The following ESRRB variants were observed in gnomAD, a reference collection of about 807,000 sequenced individuals.
ESRRB encodes the protein estrogen related receptor beta.
In ESRRB, 16 loss-of-function variants were observed where a neutral mutation model predicts 46.0. That is an observed-to-expected ratio of 0.35 (90% CI 0.24 to 0.53). ESRRB has a LOEUF of 0.53. Ranked by LOEUF, ESRRB falls within the 20% of genes least tolerant of loss-of-function variation. The probability of loss-of-function intolerance (pLI) is 0.93; values close to 1 mark genes in which losing one functional copy is unlikely to be tolerated. For missense variants in ESRRB, 488 were observed against 607.4 expected (o/e 0.80, Z 2.07); for synonymous variants, 246 against 259.6 (o/e 0.95, Z 0.50).
At chr14:76,354,045 A>C (rs900537407) in intron 1 of ESRRB, among the ~76,000 whole-genome samples, 1 of 152,234 alleles carries the variant, frequency 6.6e-6, no homozygotes, top group African/African-American at 2.4e-5. Context: ...CTCCAAGCCT[A>C]TGTCAGCCCC....
upstream of ESRRB, among the ~76,000 whole-genome samples, chr14:76,372,459 G>C (rs1884647742): frequency 6.6e-6 from 1 of 152,072 alleles, no homozygotes; most frequent in Non-Finnish European, 1.5e-5. Context: ...AGAGTGTGTG[G>C]AGCGTGTTGT....
chr14:76,348,576 C>T (rs979614643), intron 1 of ESRRB, among the ~76,000 whole-genome samples: 1 of 152,222 alleles, frequency 6.6e-6, no homozygotes, highest in Admixed American at 6.5e-5. Flanking sequence ...CACTCAGTCT[C>T]TCCAAGCCTC....
intron 2 of ESRRB, among the ~76,000 whole-genome samples, chr14:76,446,528 A>G (rs543433347): frequency 6.6e-6 from 1 of 152,236 alleles, no homozygotes; most frequent in South Asian, 2.1e-4. Flanking sequence ...ATTTACTCGC[A>G]TATCTAAAGA....
chr14:76,368,794 C>CATCATTCAG (rs1884556940), upstream of ESRRB, among the ~76,000 whole-genome samples: 1 of 152,210 alleles, frequency 6.6e-6, no homozygotes, highest in African/African-American at 2.4e-5. Context: ...TTCATAATTA[C>CATCATTCAG]ATCATTCAGA....
intron 1 of ESRRB, among the ~76,000 whole-genome samples, chr14:76,319,756 C>A (rs1236623762): frequency 1.3e-5 from 2 of 152,116 alleles, no homozygotes; most frequent in South Asian, 4.2e-4. Context: ...TGGTGTCTTT[C>A]TTCGGCACAA....
intron 3 of ESRRB, among the ~76,000 whole-genome samples, chr14:76,463,830 T>C (rs911563712): frequency 6.6e-6 from 1 of 152,284 alleles, no homozygotes; most frequent in East Asian, 1.9e-4. Context: ...CCAGGTCTCC[T>C]CTTCCTCACT....
intron 2 of ESRRB, among the ~76,000 whole-genome samples, chr14:76,450,067 T>G (rs1488762407): frequency 6.6e-6 from 1 of 151,792 alleles, no homozygotes; most frequent in Non-Finnish European, 1.5e-5. Flanking sequence ...TGATAAATAA[T>G]GAAGCATGGT....
At chr14:76,444,685 C>T (rs769119950) in intron 2 of ESRRB, among the ~76,000 whole-genome samples, 3 of 152,142 alleles carry the variant, frequency 2.0e-5, no homozygotes, top group Non-Finnish European at 2.9e-5. Flanking sequence ...CTGCGCCTGG[C>T]CCAGGTAGCT....
chr14:76,421,348 G>T (rs1886945418), intron 1 of ESRRB, among the ~76,000 whole-genome samples: 1 of 152,140 alleles, frequency 6.6e-6, no homozygotes, highest in African/African-American at 2.4e-5. Flanking sequence ...ACAATGTCTG[G>T]TGCCTCGATT....
Position 76,415,090 on chromosome 14 carries a change from G to A in ESRRB, c.51-24251G>A, listed in dbSNP as rs564964827. On this transcript the variant is annotated intron_variant, in intron 1 of 6. Transcript: ENST00000644823. ...GCTGTGGGGACCCAGACGTGAGCAA[G>A]TCAAGAGCCCTGCCCTCTAGGAGCT... 7.9e-5 allele frequency among the ~76,000 whole-genome samples: 12 copies of A among 152,336 alleles called. No homozygotes were observed. The East Asian group carries it at 2.3e-3, about 29-fold the overall frequency.
At chr14:76,470,874 A>T (rs376290185) in intron 3 of ESRRB, among the ~76,000 whole-genome samples, 1 of 152,276 alleles carries the variant, frequency 6.6e-6, no homozygotes, top group African/African-American at 2.4e-5. Flanking sequence ...TTTTTTTTGT[A>T]GAGACAAAGG....
intron 1 of ESRRB, 51 bp from the exon 2 acceptor site, chr14:76,439,290 A>C (rs2139932650): frequency 6.5e-5 from 97 of 1,497,770 alleles, no homozygotes; most frequent in Non-Finnish European, 7.6e-5. Context: ...GGACCCGCCC[A>C]CCACACCCAC....
rs1890525457 is a variant in ESRRB at position 76,498,513 on chromosome 14, G to A, written c.*55G>A. On this transcript the variant is annotated 3_prime_UTR_variant, in exon 7 of 7. Coordinates refer to ENST00000644823, the MANE Select transcript of ESRRB (RefSeq NM_001379180.1). ...ACAGACAGACAAACGGACAGACCGA[G>A]GTGGAGACCTCCACAGCCACCAGCC... 1.9e-6 allele frequency: 3 copies of A among 1,612,102 alleles called. No homozygotes were observed. Among genetic ancestry groups the A allele is most frequent in the Non-Finnish European group, 2.5e-6 (3 of 1,179,876 alleles).
Position 76,491,732 on chromosome 14 carries a change from G to C in ESRRB, c.1120+16G>C, listed in dbSNP as rs1473411438. 20 of 1,560,846 alleles carry C rather than the reference G, an allele frequency of 1.3e-5. No individual in the cohort carries two copies. Among genetic ancestry groups the C allele is most frequent in the Non-Finnish European group, 1.7e-5 (20 of 1,152,804 alleles). On this transcript the variant is annotated intron_variant, in intron 6 of 6. Transcript: ENST00000644823. ...GCCAACTCCGGTAAGGGCGGCGGCG[G>C]GGCCTGGAAGGGGAGCTTCTAGGGC...
At chr14:76,361,672 A>G (rs1276433349) in intron 1 of ESRRB, among the ~76,000 whole-genome samples, 1 of 152,148 alleles carries the variant, frequency 6.6e-6, no homozygotes, top group African/African-American at 2.4e-5. Flanking sequence ...TGAACTGTGA[A>G]ACTCCATGTC....
In ESRRB at chr14:76,482,780, G is replaced by T; in HGVS notation, c.850+21G>T. On this transcript the variant is annotated intron_variant, in intron 5 of 6. Transcript: ENST00000644823. This position sits in a 1 kb window ranked among gnomAD's most constrained non-coding sequence, Gnocchi z 4.3. ...CCCAGGTGAGCATGTGGGACCAGGG[G>T]AGAGTGTGGCCAGGGACTCTCAGCC... 1 of 1,613,430 alleles carries T rather than the reference G, an allele frequency of 6.2e-7. No homozygotes were observed. Among genetic ancestry groups the T allele is most frequent in the Admixed American group, 1.7e-5 (1 of 60,014 alleles).
At chr14:76,390,035 C>T (rs756730111) in intron 1 of ESRRB, among the ~76,000 whole-genome samples, 2 of 152,110 alleles carry the variant, frequency 1.3e-5, no homozygotes, top group African/African-American at 2.4e-5. Context: ...GCTACAGATC[C>T]GCCGTCCCCC....
intron 1 of ESRRB, among the ~76,000 whole-genome samples, chr14:76,383,817 C>T (rs1329724837): frequency 2.0e-5 from 3 of 152,040 alleles, no homozygotes; most frequent in East Asian, 1.9e-4. Context: ...TATTCATGGC[C>T]GCTGGCTGGC....
intron 1 of ESRRB, among the ~76,000 whole-genome samples, chr14:76,423,514 C>G (rs1223214050): frequency 6.6e-6 from 1 of 152,098 alleles, no homozygotes; most frequent in Non-Finnish European, 1.5e-5. Flanking sequence ...CCTTTAAGAA[C>G]TTTTGTGGGC....
Sources: gnomAD v4.1 joint callset for allele counts (sites outside exome capture counted in the v4.1 genomes callset) on GRCh38, gnomAD v4.1.1 for gene constraint, Gnocchi (gnomAD v3.1) non-coding constraint, MANE v1.5 for transcripts, NCBI Gene and HGNC (gene_info 2026-07-23, HGNC 2026-07-21) for gene names.